HNRNPUL1: variants seen among roughly 807,000 people sequenced by gnomAD.
The protein encoded by HNRNPUL1 is heterogeneous nuclear ribonucleoprotein U like 1, also known as heterogeneous nuclear ribonucleoprotein U-like protein 1.
Under a neutral mutation model 108.5 loss-of-function variants are expected in HNRNPUL1, and 14 were observed. That is an observed-to-expected ratio of 0.13 (90% confidence interval 0.09 to 0.20). The LOEUF is 0.20. Ranked by LOEUF, HNRNPUL1 falls within the 10% of genes least tolerant of loss-of-function variation. The pLI is 1.00. For synonymous variants in HNRNPUL1, 422 were observed against 445.2 expected (o/e 0.95, Z 0.66); for missense variants, 804 against 1,168.3 (o/e 0.69, Z 4.55).
chr19:41,302,737 C>T lies in HNRNPUL1; in HGVS notation c.1760C>T (p.Ala587Val). The T allele has an allele frequency of 6.2e-7, 1 of 1,614,132 alleles. No homozygotes were observed. Among genetic ancestry groups the T allele is most frequent in the Non-Finnish European group, 8.5e-7 (1 of 1,180,014 alleles). ...TTCATTGAGCTGCAGCGGGAGGAAG[C>T]GGACAAGCTAGTGAGGCAGTACAAC... ...VLFIELQREE[A>V]DKLVRQYNEE... Residue 587 changes from alanine to valine, a missense_variant, in exon 12 of 15, where the codon GCG (alanine) becomes GTG (valine). By Grantham distance (64) the Ala-to-Val change is moderately conservative (BLOSUM62 0). Coordinates refer to ENST00000392006, the MANE Select transcript of HNRNPUL1 (RefSeq NM_007040.6).
chr19:41,302,602 C>G, intron 11 of HNRNPUL1, 63 bp from the exon 12 acceptor site: 2 of 1,601,072 alleles, frequency 1.2e-6, no homozygotes, highest in Non-Finnish European at 1.7e-6. Flanking sequence ...GTGGAGGGGA[C>G]CAGACTTCAG....
chr19:41,302,076 G>C (rs2037243216), intron 11 of HNRNPUL1, among the ~76,000 whole-genome samples: 1 of 152,100 alleles, frequency 6.6e-6, no homozygotes, highest in African/African-American at 2.4e-5. Context: ...ATTCCCTGGG[G>C]TGAGGCCTGA....
intron 13 of HNRNPUL1, 111 bp downstream of exon 13, chr19:41,304,372 T>C (rs2037423016): frequency 1.3e-6 from 2 of 1,498,786 alleles, no homozygotes; most frequent in African/African-American, 2.8e-5. Context: ...CAGCTACTGG[T>C]CTTCACTCTA....
At chr19:41,300,622 A>G (rs922002090) in intron 10 of HNRNPUL1, among the ~76,000 whole-genome samples, 1 of 152,182 alleles carries the variant, frequency 6.6e-6, no homozygotes, top group Non-Finnish European at 1.5e-5. Context: ...CCTGAATCCA[A>G]CAGAGGTAGG....
In HNRNPUL1 at chr19:41,301,643, A is replaced by G. The variant is rs774157966; in HGVS notation, c.1626A>G (p.Thr542=). The change falls in exon 11 of 15, where the codon ACA becomes ACG. Residue 542 remains threonine (T), a synonymous_variant. Transcript: ENST00000392006. The stretch of plus-strand genomic sequence containing the variant: ...CTGACGAGGACCTAAAAGACCGAAC[A>G]ATAAAGCGAACCGACGAGGAAGGGA... The part of the protein sequence containing the change: ...CPTDEDLKDR[T]IKRTDEEGKD... The G allele has an allele frequency of 6.2e-7, 1 of 1,614,142 alleles. No individual in the cohort carries two copies. Among genetic ancestry groups the G allele is most frequent in the Admixed American group, 1.7e-5 (1 of 60,000 alleles).
intron 7 of HNRNPUL1, chr19:41,291,942 C>T (rs987864539): frequency 7.2e-5 from 25 of 345,842 alleles, no homozygotes; most frequent in Middle Eastern, 1.7e-3. Context: ...AGCTGTGCCA[C>T]TGCACTCAGC....
chr19:41,269,593 A>G, intron 2 of HNRNPUL1, among the ~76,000 whole-genome samples: 1 of 151,902 alleles, frequency 6.6e-6, no homozygotes, highest in East Asian at 1.9e-4. Flanking sequence ...ACTTGAGCCT[A>G]GGAATCCAAG....
At chr19:41,269,128 G>A (rs2122446151) in intron 2 of HNRNPUL1, among the ~76,000 whole-genome samples, 1 of 151,598 alleles carries the variant, frequency 6.6e-6, no homozygotes, top group South Asian at 2.1e-4. Flanking sequence ...GAACATTAAA[G>A]GCTCTGAGAA....
Position 41,301,655 on chromosome 19 carries a change from C to A in HNRNPUL1, c.1638C>A (p.Thr546=). 1 of 1,613,992 alleles carries A rather than the reference C, an allele frequency of 6.2e-7. No individual in the cohort carries two copies. Among genetic ancestry groups the A allele is most frequent in the South Asian group, 1.1e-5 (1 of 91,062 alleles). ...EDLKDRTIKR[T]DEEGKDVPDH... ...TAAAAGACCGAACAATAAAGCGAAC[C>A]GACGAGGAAGGGAAGGATGTCCCAG... The change falls in exon 11 of 15, where the codon ACC becomes ACA. Residue 546 remains threonine, a synonymous_variant. Coordinates refer to ENST00000392006, the MANE Select transcript of HNRNPUL1 (RefSeq NM_007040.6).
At chr19:41,293,570 T>C (rs2053086) in intron 8 of HNRNPUL1, among the ~76,000 whole-genome samples, 20,969 of 152,252 alleles carry the variant, frequency 0.14, 1,673 homozygotes, top group East Asian at 0.27. Context: ...ATACAATTCA[T>C]GTCCTTGTGT....
At chr19:41,274,191 T>C in intron 4 of HNRNPUL1, 136 bp downstream of exon 4, 1 of 731,878 alleles carries the variant, frequency 1.4e-6, no homozygotes. Context: ...GGCTTAGCTC[T>C]GGAGCAAGAG....
chr19:41,282,750 C>T lies in HNRNPUL1; in HGVS notation c.999+1475C>T, dbSNP rs1475895851. Among the ~76,000 whole-genome samples, 478 of 143,948 alleles carry T rather than the reference C, an allele frequency of 3.3e-3. 5 individuals carry two copies. The highest frequency in any genetic ancestry group is 4.7e-3 in the Non-Finnish European group (309 of 66,030). The allele number at this position is 143,948 out of a possible 152,430, so 94.4% of individuals were successfully genotyped here. On this transcript the variant is annotated intron_variant, in intron 7 of 14. Coordinates refer to ENST00000392006, the MANE Select transcript of HNRNPUL1 (RefSeq NM_007040.6). Reference sequence around the variant, plus strand: ...TGTCGCCCAGGCTGGAGTGCAGTGGCGGGATCTCGGCTCACTGCAAGCTCC... The same window carrying T: ...TGTCGCCCAGGCTGGAGTGCAGTGGTGGGATCTCGGCTCACTGCAAGCTCC...
chr19:41,284,302 GA>G (rs2036079998), intron 7 of HNRNPUL1, among the ~76,000 whole-genome samples: 1 of 152,034 alleles, frequency 6.6e-6, no homozygotes, highest in Admixed American at 6.6e-5. Context: ...ACGAAAAAAA[GA>G]AAAAATTCCC....
chr19:41,292,139 T>C lies in HNRNPUL1; in HGVS notation c.1000-106T>C. Reference sequence around the variant, plus strand: ...TGTTGGGGAAGGATGCACTTCAATCTGGAAAGCTGTCCACATTCTACTCCC... The same window carrying C: ...TGTTGGGGAAGGATGCACTTCAATCCGGAAAGCTGTCCACATTCTACTCCC... On this transcript the variant is annotated intron_variant, in intron 7 of 14. Coordinates refer to ENST00000392006, the MANE Select transcript of HNRNPUL1 (RefSeq NM_007040.6). The surrounding 1 kb of genome is among the most constrained non-coding windows in gnomAD (Gnocchi z 4.1). The C allele has an allele frequency of 8.5e-7, 1 of 1,172,354 alleles. No homozygotes were observed. Among genetic ancestry groups the C allele is most frequent in the Non-Finnish European group, 1.2e-6 (1 of 801,336 alleles). 72.6% of individuals were successfully genotyped at this position (1,172,354 alleles called of 1,614,324 possible).
chr19:41,264,351 G>A (rs1003439004), upstream of HNRNPUL1: 32 of 560,010 alleles, frequency 5.7e-5, no homozygotes, highest in Admixed American at 4.5e-4. Context: ...ACGAGTGAGG[G>A]GGGAGGCGGT....
intron 1 of HNRNPUL1, among the ~76,000 whole-genome samples, chr19:41,267,885 A>G (rs573598268): frequency 6.6e-6 from 1 of 152,340 alleles, no homozygotes; most frequent in Non-Finnish European, 1.5e-5. Flanking sequence ...TCACTGAGTC[A>G]TTACCTGTGT....
At chr19:41,287,076 C>T (rs747890871) in intron 7 of HNRNPUL1, among the ~76,000 whole-genome samples, 2 of 151,768 alleles carry the variant, frequency 1.3e-5, no homozygotes, top group African/African-American at 4.8e-5. Context: ...AGTGCAGTGG[C>T]GTGATCTCGG....
chr19:41,288,037 T>C (rs936242354), intron 7 of HNRNPUL1, among the ~76,000 whole-genome samples: 5 of 152,008 alleles, frequency 3.3e-5, no homozygotes, highest in Non-Finnish European at 7.4e-5. Flanking sequence ...TAATAGTTAA[T>C]CATTGTGAAT....
At chr19:41,284,846 A>G (rs577214285) in intron 7 of HNRNPUL1, among the ~76,000 whole-genome samples, 96 of 152,108 alleles carry the variant, frequency 6.3e-4, no homozygotes, top group African/African-American at 2.2e-3. Context: ...AAATACAAAA[A>G]TTAGCCGGGC....
Sources: allele counts gnomAD v4.1 joint callset (sites outside exome capture counted in the v4.1 genomes callset), GRCh38; gene constraint gnomAD v4.1.1; non-coding constraint Gnocchi (gnomAD v3.1); transcripts MANE v1.5; gene names NCBI Gene and HGNC (gene_info 2026-07-23, HGNC 2026-07-21).